The following SH3BP4 variants were observed in gnomAD, a reference collection of about 807,000 sequenced individuals.
SH3BP4 encodes the protein SH3 domain binding protein 4, also known as SH3 domain-binding protein 4.
SH3BP4 carries 33 observed loss-of-function variants against 65.5 expected under a neutral mutation model. The ratio of observed to expected loss-of-function variants is 0.50; its 90% CI spans 0.38 to 0.67. SH3BP4 has a LOEUF of 0.67. Among genes scored for constraint, SH3BP4 ranks in the 30% least tolerant of loss-of-function variants. The probability of loss-of-function intolerance (pLI) is 0.00; values close to 1 mark genes in which losing one functional copy is unlikely to be tolerated. For synonymous variants in SH3BP4, 552 were observed against 545.5 expected (o/e 1.01, Z -0.17); for missense variants, 1,134 against 1,261.4 (o/e 0.90, Z 1.53).
chr2:235,024,183 A>G (rs889074110), intron 2 of SH3BP4, among the ~76,000 whole-genome samples: 2 of 152,210 alleles, frequency 1.3e-5, no homozygotes, highest in Non-Finnish European at 1.5e-5. Context: ...GGTGGTTAAA[A>G]CTGCAGTTGC....
At position 235,033,796 on chromosome 2, in the gene SH3BP4, C is replaced by T. The variant is rs143691811; in HGVS notation, c.-132-1075C>T. Among the ~76,000 whole-genome samples the T allele has an allele frequency of 2.2e-3, 337 of 152,302 alleles. No homozygotes were observed. The highest frequency in any genetic ancestry group is 6.8e-3 in the Middle Eastern group (2 of 294). ...GGCTCCCACCCGGCTGCTGCAGAAACGTTGCAAAGGGTGGTGTCAGGGCCT... is the reference window on the plus strand; with the variant it reads ...GGCTCCCACCCGGCTGCTGCAGAAATGTTGCAAAGGGTGGTGTCAGGGCCT... On this transcript the variant is annotated intron_variant, in intron 2 of 5. Transcript: ENST00000392011. The surrounding 1 kb of genome is among the most constrained non-coding windows in gnomAD (Gnocchi z 5.7).
At chr2:234,986,698 A>G (rs977253627) in intron 1 of SH3BP4, among the ~76,000 whole-genome samples, 2 of 152,062 alleles carry the variant, frequency 1.3e-5, no homozygotes, top group Non-Finnish European at 2.9e-5. Context: ...TATCTGCTAA[A>G]TGATGGCATG....
chr2:234,964,144 A>G (rs1304660619), intron 1 of SH3BP4, among the ~76,000 whole-genome samples: 1 of 152,070 alleles, frequency 6.6e-6, no homozygotes, highest in Non-Finnish European at 1.5e-5. Context: ...GCTTCGTGAA[A>G]CCCCAGCTAT....
In SH3BP4 at chr2:235,041,942, C is replaced by G; in HGVS notation, c.1173C>G (p.Ile391Met). ...GCAACCTGGAGGTGAAAACCTCTAT[C>G]ATCTTGGAGATGAAAGTGTCAGCCG... Reference protein sequence around the residue: ...KLSNLEVKTSIILEMKVSAEI... With the variant: ...KLSNLEVKTSMILEMKVSAEI... The change falls in exon 4 of 6, where the codon ATC becomes ATG. Residue 391 changes from isoleucine (I) to methionine (M), a missense_variant. Physicochemically the swap from Ile to Met is conservative, Grantham distance 10 (BLOSUM62 1). Coordinates refer to ENST00000392011, the MANE Select transcript of SH3BP4 (RefSeq NM_014521.3). The surrounding 1 kb of genome is among the most constrained non-coding windows in gnomAD (Gnocchi z 6.0). The G allele has an allele frequency of 6.2e-7, 1 of 1,613,552 alleles. No homozygotes were observed. The highest frequency in any genetic ancestry group is 8.5e-7 in the Non-Finnish European group (1 of 1,179,640).
intron 1 of SH3BP4, among the ~76,000 whole-genome samples, chr2:234,954,651 A>G (rs1300979934): frequency 6.6e-6 from 1 of 152,216 alleles, no homozygotes; most frequent in Admixed American, 6.5e-5. Context: ...CTGCTTGAAT[A>G]GACTTTCTTC....
rs562402342 is a variant in SH3BP4, at chr2:235,035,645, T to C, written c.118+525T>C. 6.6e-6 allele frequency among the ~76,000 whole-genome samples: 1 copy of C among 152,354 alleles called. No homozygotes were observed. The highest frequency in any genetic ancestry group is 2.4e-5 in the African/African-American group (1 of 41,582). On this transcript the variant is annotated intron_variant, in intron 3 of 5. Transcript: ENST00000392011. This position sits in a 1 kb window ranked among gnomAD's most constrained non-coding sequence, Gnocchi z 5.0. ...AGAGTCGTGTTTCCAAGACAACTTT[T>C]TTTTTGCAGACAGCCCCATTTGGCC...
At position 235,052,087 on chromosome 2, in the gene SH3BP4, C is replaced by T. The variant is rs889033465; in HGVS notation, c.2479-475C>T. On this transcript the variant is annotated intron_variant, in intron 4 of 5. Coordinates refer to ENST00000392011, the MANE Select transcript of SH3BP4 (RefSeq NM_014521.3). This position sits in a 1 kb window ranked among gnomAD's most constrained non-coding sequence, Gnocchi z 5.0. ...GGAAGCAGTGGGGGAGAAGGGGTTGCAGGCCTGCCTCTCCTAAGCCCCACT... is the reference window on the plus strand; with the variant it reads ...GGAAGCAGTGGGGGAGAAGGGGTTGTAGGCCTGCCTCTCCTAAGCCCCACT... 9.2e-5 allele frequency among the ~76,000 whole-genome samples: 14 copies of T among 152,204 alleles called. No homozygotes were observed. Among genetic ancestry groups the T allele is most frequent in the Non-Finnish European group, 1.6e-4 (11 of 68,044 alleles).
intron 1 of SH3BP4, among the ~76,000 whole-genome samples, chr2:234,965,342 A>G (rs559389261): frequency 1.3e-5 from 2 of 152,290 alleles, no homozygotes; most frequent in East Asian, 1.9e-4. Flanking sequence ...TTTAATTGTC[A>G]GTTTCTGAAA....
Position 235,052,838 on chromosome 2 carries a change from C to G in SH3BP4, c.2667+88C>G. ...GCAGTGCAGCCATAAAAAGTCTTGCCTCGCGGCATTTCTGTGAGGGTGCAA... is the reference window on the plus strand; with the variant it reads ...GCAGTGCAGCCATAAAAAGTCTTGCGTCGCGGCATTTCTGTGAGGGTGCAA... On this transcript the variant is annotated intron_variant, in intron 5 of 5. Coordinates refer to ENST00000392011, the MANE Select transcript of SH3BP4 (RefSeq NM_014521.3). The surrounding 1 kb of genome is among the most constrained non-coding windows in gnomAD (Gnocchi z 5.0). 1 of 1,300,270 alleles carries G rather than the reference C, an allele frequency of 7.7e-7. No homozygotes were observed. The highest frequency in any genetic ancestry group is 1.5e-5 in the African/African-American group (1 of 67,700). The allele number at this position is 1,300,270 out of a possible 1,614,324, so 80.5% of individuals were successfully genotyped here.
chr2:235,043,764 G>T (rs949112123), intron 4 of SH3BP4, among the ~76,000 whole-genome samples: 2 of 151,906 alleles, frequency 1.3e-5, no homozygotes, highest in African/African-American at 4.8e-5. Flanking sequence ...GGCGTGGGCC[G>T]TGGTGTTGTA....
intron 2 of SH3BP4, among the ~76,000 whole-genome samples, chr2:235,000,686 T>C (rs1358327906): frequency 6.6e-6 from 1 of 152,184 alleles, no homozygotes; most frequent in Admixed American, 6.5e-5. Context: ...CTTTCCACTC[T>C]GTTGGAGGGT....
chr2:235,008,406 A>G (rs1694370969), intron 2 of SH3BP4, among the ~76,000 whole-genome samples: 1 of 152,176 alleles, frequency 6.6e-6, no homozygotes, highest in Non-Finnish European at 1.5e-5. Context: ...GAACCAGCCG[A>G]GGCCTACTCA....
chr2:235,052,130 T>G lies in SH3BP4; in HGVS notation c.2479-432T>G, dbSNP rs1427694. 0.46 allele frequency among the ~76,000 whole-genome samples: 70,609 copies of G among 151,934 alleles called. 17,221 individuals carry two copies. The highest frequency in any genetic ancestry group is 0.71 in the East Asian group (3,637 of 5,120). On this transcript the variant is annotated intron_variant, in intron 4 of 5. Coordinates refer to ENST00000392011, the MANE Select transcript of SH3BP4 (RefSeq NM_014521.3). This position sits in a 1 kb window ranked among gnomAD's most constrained non-coding sequence, Gnocchi z 5.0. ...GCCCCACTGGCTCAACCCTCCTTCTTTTCCTTGGCTTGTTGCCGCATCTGT... is the reference window on the plus strand; with the variant it reads ...GCCCCACTGGCTCAACCCTCCTTCTGTTCCTTGGCTTGTTGCCGCATCTGT...
At chr2:235,048,816 C>T (rs1335531288) in intron 4 of SH3BP4, among the ~76,000 whole-genome samples, 1 of 152,204 alleles carries the variant, frequency 6.6e-6, no homozygotes, top group Non-Finnish European at 1.5e-5. Flanking sequence ...AGTTCAGTCA[C>T]CCTGACTGAA....
At position 234,976,939 on chromosome 2, in the gene SH3BP4, A is replaced by T. The variant is rs1250469544; in HGVS notation, c.-206-18364A>T. On this transcript the variant is annotated intron_variant, in intron 1 of 5. Transcript: ENST00000392011. This position sits in a 1 kb window ranked among gnomAD's most constrained non-coding sequence, Gnocchi z 4.7. The stretch of plus-strand genomic sequence containing the variant: ...GAAAAAAAGGACCTCAGGGACAAAC[A>T]TAGGAGACCCGGATGAAGGACAGGC... Among the ~76,000 whole-genome samples the T allele has an allele frequency of 6.6e-6, 1 of 152,206 alleles. No individual in the cohort carries two copies. The highest frequency in any genetic ancestry group is 1.9e-4 in the East Asian group (1 of 5,192).
Position 235,033,431 on chromosome 2 carries a change from T to G in SH3BP4, c.-132-1440T>G, listed in dbSNP as rs769653949. On this transcript the variant is annotated intron_variant, in intron 2 of 5. Transcript: ENST00000392011. The surrounding 1 kb of genome is among the most constrained non-coding windows in gnomAD (Gnocchi z 5.7). Reference sequence around the variant, plus strand: ...GCCCCACCTGCCAGTGCCATCACATTAGGGGACAGACCTTCAACATAGGAG... The same window carrying G: ...GCCCCACCTGCCAGTGCCATCACATGAGGGGACAGACCTTCAACATAGGAG... Among the ~76,000 whole-genome samples the G allele has an allele frequency of 6.6e-6, 1 of 152,176 alleles. No homozygotes were observed. The highest frequency in any genetic ancestry group is 2.4e-5 in the African/African-American group (1 of 41,442).
intron 2 of SH3BP4, among the ~76,000 whole-genome samples, chr2:235,020,952 T>A (rs1694831615): frequency 6.6e-6 from 1 of 152,210 alleles, no homozygotes; most frequent in African/African-American, 2.4e-5. Flanking sequence ...AGGGGCAAAC[T>A]GTAGTCTGCC....
Position 235,045,993 on chromosome 2 carries a change from G to A in SH3BP4, c.2478+2746G>A, listed in dbSNP as rs73995758. ...CTCTCTCCACTGCCTTTAGAACGGG[G>A]TCAGCCTTTGCCCCTGCCCCACAAA... is the stretch of plus-strand genomic sequence containing the variant. On this transcript the variant is annotated intron_variant, in intron 4 of 5. Transcript: ENST00000392011. This position sits in a 1 kb window ranked among gnomAD's most constrained non-coding sequence, Gnocchi z 4.3. 1.3e-5 allele frequency among the ~76,000 whole-genome samples: 2 copies of A among 152,156 alleles called. No individual in the cohort carries two copies. The highest frequency in any genetic ancestry group is 1.9e-4 in the East Asian group (1 of 5,194).
intron 2 of SH3BP4, among the ~76,000 whole-genome samples, chr2:235,001,235 A>AG (rs1276675045): frequency 2.0e-5 from 3 of 152,136 alleles, no homozygotes; most frequent in Non-Finnish European, 2.9e-5. Flanking sequence ...TGGCCCTTTG[A>AG]GGGGGTCTGT....
Sources: allele counts gnomAD v4.1 joint callset (sites outside exome capture counted in the v4.1 genomes callset), GRCh38; gene constraint gnomAD v4.1.1; non-coding constraint Gnocchi (gnomAD v3.1); transcripts MANE v1.5; gene names NCBI Gene and HGNC (gene_info 2026-07-23, HGNC 2026-07-21).